NFASC: variants seen among roughly 807,000 people sequenced by gnomAD.
The protein encoded by NFASC is neurofascin homolog.
A neutral mutation model predicts 147.5 loss-of-function variants in NFASC; 43 were observed. That is an observed-to-expected ratio of 0.29 (90% CI 0.23 to 0.38). The LOEUF (loss-of-function observed/expected upper bound fraction) is 0.38, where lower values mean the gene tolerates loss of function less well. Ranked by LOEUF, NFASC falls within the 10% of genes least tolerant of loss-of-function variation. The pLI is 1.00. For missense variants in NFASC, 1,320 were observed against 1,689.0 expected (o/e 0.78, Z 3.83); for synonymous variants, 622 against 665.5 (o/e 0.93, Z 1.01).
At chr1:204,877,273 A>T (rs1434039578) in intron 1 of NFASC, among the ~76,000 whole-genome samples, 4 of 151,638 alleles carry the variant, frequency 2.6e-5, no homozygotes, top group South Asian at 2.1e-4. Flanking sequence ...CTTAACATTT[A>T]AACGCATTAA....
chr1:204,949,221 C>T (rs1238460378), intron 3 of NFASC, among the ~76,000 whole-genome samples: 2 of 152,228 alleles, frequency 1.3e-5, no homozygotes, highest in African/African-American at 4.8e-5. Context: ...GGGCCCTTGT[C>T]CTGCCACACT....
At chr1:205,014,454 G>A (rs2096309649) in intron 29 of NFASC, among the ~76,000 whole-genome samples, 1 of 152,200 alleles carries the variant, frequency 6.6e-6, no homozygotes, top group Admixed American at 6.5e-5. Flanking sequence ...GAGGAGTGCT[G>A]TTCTCTCACT....
intron 1 of NFASC, among the ~76,000 whole-genome samples, chr1:204,912,540 A>ATT (rs926805644): frequency 6.6e-6 from 1 of 151,794 alleles, no homozygotes; most frequent in African/African-American, 2.4e-5. Flanking sequence ...CTCTAAAACT[A>ATT]TAAATAATAA....
Position 205,016,515 on chromosome 1 carries a change from C to CA in NFASC, c.3701dup (p.Asn1234LysfsTer43). 1 of 1,613,754 alleles carries CA rather than the reference C, an allele frequency of 6.2e-7. No individual in the cohort carries two copies. Among genetic ancestry groups the CA allele is most frequent in the Non-Finnish European group, 8.5e-7 (1 of 1,179,638 alleles). On this transcript the variant is annotated frameshift_variant, in exon 30 of 30. Coordinates refer to ENST00000339876, the MANE Select transcript of NFASC (RefSeq NM_001005388.3). LOFTEE classifies it high-confidence loss of function. The surrounding 1 kb of genome is among the most constrained non-coding windows in gnomAD (Gnocchi z 5.1). ...AAAGCTCAGAGGCCACGTCACCTGT[C>CA]AATGCTATCTACTCTCTGGCCTAAC...
In NFASC at chr1:205,008,214, G is replaced by C. The variant is rs573093333; in HGVS notation, c.3290-1343G>C. 7.7e-4 allele frequency among the ~76,000 whole-genome samples: 118 copies of C among 152,324 alleles called. 1 individual carries two copies. The highest frequency in any genetic ancestry group is 2.6e-3 in the African/African-American group (108 of 41,574). On this transcript the variant is annotated intron_variant, in intron 27 of 29. Transcript: ENST00000339876. ...TTCTTGGTGCAATGCCCTTGACTGG[G>C]CACTGGGAAGGCTGTAAAAACAGTT...
intron 2 of NFASC, among the ~76,000 whole-genome samples, chr1:204,938,407 A>C (rs1332668671): frequency 6.6e-6 from 1 of 152,164 alleles, no homozygotes; most frequent in African/African-American, 2.4e-5. Context: ...TGCTTTACCA[A>C]GTGTTTTACA....
chr1:204,906,373 C>T (rs781580683), intron 1 of NFASC, among the ~76,000 whole-genome samples: 36 of 152,138 alleles, frequency 2.4e-4, no homozygotes, highest in Non-Finnish European at 3.4e-4. Flanking sequence ...TAATTCTCTC[C>T]CCTTAATCCC....
At chr1:204,864,547 A>T (rs538251855) in intron 1 of NFASC, among the ~76,000 whole-genome samples, 1 of 152,264 alleles carries the variant, frequency 6.6e-6, no homozygotes, top group South Asian at 2.1e-4. Context: ...CATTTTATTG[A>T]TTATAGCCAT....
At chr1:204,916,628 G>A (rs775371521) in intron 1 of NFASC, among the ~76,000 whole-genome samples, 5 of 152,194 alleles carry the variant, frequency 3.3e-5, no homozygotes, top group Non-Finnish European at 7.3e-5. Flanking sequence ...ATATCAATGA[G>A]GGTATTGGAG....
chr1:204,934,081 T>C (rs1183145490), intron 2 of NFASC, among the ~76,000 whole-genome samples: 4 of 143,826 alleles, frequency 2.8e-5, no homozygotes, highest in African/African-American at 7.8e-5. Context: ...GAGGTTGCAA[T>C]GAGCTGAGAT....
At chr1:204,884,777 A>G (rs1322079768) in intron 1 of NFASC, among the ~76,000 whole-genome samples, 1 of 152,122 alleles carries the variant, frequency 6.6e-6, no homozygotes, top group Non-Finnish European at 1.5e-5. Context: ...TAACATCACC[A>G]TCACCATCAC....
chr1:204,947,484 T>C (rs1490991246), intron 3 of NFASC, among the ~76,000 whole-genome samples: 1 of 152,204 alleles, frequency 6.6e-6, no homozygotes, highest in Non-Finnish European at 1.5e-5. Context: ...CTGCTTCTAT[T>C]CTGGAGAGGC....
chr1:204,835,000 C>A (rs1327175009), intron 1 of NFASC, among the ~76,000 whole-genome samples: 1 of 152,106 alleles, frequency 6.6e-6, no homozygotes, highest in African/African-American at 2.4e-5. Flanking sequence ...CAAGCACCTG[C>A]TATTTGGGTC....
chr1:204,913,917 GAAATT>G (rs945307567), intron 1 of NFASC, among the ~76,000 whole-genome samples: 1 of 148,590 alleles, frequency 6.7e-6, no homozygotes, highest in African/African-American at 2.5e-5. Context: ...AAAGAAAAAA[GAAATT>G]AAACCACAGA....
rs753225438 is a variant in NFASC at position 205,018,346 on chromosome 1, C to T, written c.*1807C>T. 1 of 152,674 alleles carries T rather than the reference C, an allele frequency of 6.5e-6. No individual in the cohort carries two copies. Among genetic ancestry groups the T allele is most frequent in the African/African-American group, 2.4e-5 (1 of 41,470 alleles). 9.5% of individuals were successfully genotyped at this position (152,674 alleles called of 1,614,324 possible). ...TCCTTCCGTGACTTTATTAAAGCAA[C>T]ATTTGCCACATGTTTAAGCCGCAAA... On this transcript the variant is annotated 3_prime_UTR_variant, in exon 30 of 30. Coordinates refer to ENST00000339876, the MANE Select transcript of NFASC (RefSeq NM_001005388.3).
intron 1 of NFASC, among the ~76,000 whole-genome samples, chr1:204,851,657 A>T (rs2075709812): frequency 6.6e-6 from 1 of 152,160 alleles, no homozygotes; most frequent in African/African-American, 2.4e-5. Flanking sequence ...TTATCTAGTT[A>T]ATCTGGAATA....
intron 1 of NFASC, among the ~76,000 whole-genome samples, chr1:204,876,007 T>A (rs910171452): frequency 6.6e-6 from 1 of 152,116 alleles, no homozygotes; most frequent in African/African-American, 2.4e-5. Flanking sequence ...ACACAGTCAT[T>A]TGGGATGTAT....
In NFASC at chr1:204,995,341, TGTGTGTGTGTGTATGTGTGTCG is replaced by T. The variant is rs1396958420; in HGVS notation, c.2783-1825_2783-1804del. Among the ~76,000 whole-genome samples, 180 of 151,772 alleles carry T rather than the reference TGTGTGTGTGTGTATGTGTGTCG, an allele frequency of 1.2e-3. 1 individual carries two copies. Among genetic ancestry groups the T allele is most frequent in the African/African-American group, 4.3e-3 (179 of 41,284 alleles). On this transcript the variant is annotated intron_variant, in intron 24 of 29. Coordinates refer to ENST00000339876, the MANE Select transcript of NFASC (RefSeq NM_001005388.3). Reference sequence around the variant, plus strand: ...GTGTGTGTGTGTGTGTGTGTGTGTGTGTGTGTGTGTGTATGTGTGTCGGTGGGTGGGGATAAGTGAATTCCCT... The same window carrying T: ...GTGTGTGTGTGTGTGTGTGTGTGTGTGTGGGTGGGGATAAGTGAATTCCCT...
intron 7 of NFASC, among the ~76,000 whole-genome samples, chr1:204,957,353 T>C (rs2094476893): frequency 6.6e-6 from 1 of 152,164 alleles, no homozygotes; most frequent in African/African-American, 2.4e-5. Context: ...GTGAGATCTT[T>C]TGTGGCGTGA....
Sources: gnomAD v4.1 joint callset for allele counts (sites outside exome capture counted in the v4.1 genomes callset) on GRCh38, gnomAD v4.1.1 for gene constraint, Gnocchi (gnomAD v3.1) non-coding constraint, MANE v1.5 for transcripts, NCBI Gene and HGNC (gene_info 2026-07-23, HGNC 2026-07-21) for gene names.